The following MUC22 variants were observed in gnomAD, a reference collection of about 807,000 sequenced individuals.
The protein encoded by MUC22 is mucin 22, also known as mucin-22.
Under a neutral mutation model 40.3 loss-of-function variants are expected in MUC22, and 24 were observed. That is an observed-to-expected ratio of 0.60 (90% CI 0.43 to 0.84). The LOEUF (loss-of-function observed/expected upper bound fraction) is 0.84. Among genes scored for constraint, MUC22 ranks in the 40% least tolerant of loss-of-function variants. The pLI is 0.00. For synonymous variants in MUC22, 765 were observed against 844.5 expected (o/e 0.91, Z 1.63); for missense variants, 1,926 against 2,130.7 (o/e 0.90, Z 1.89).
exon 2 of MUC22, chr6:31,029,561 C>A (rs1334345425): frequency 6.5e-7 from 1 of 1,529,288 alleles, no homozygotes. Context: ...GAGGCCACTA[C>A]AGTTTCTACC....
chr6:31,022,562 A>T (rs556866774), intron 1 of MUC22, among the ~76,000 whole-genome samples: 5 of 117,208 alleles, frequency 4.3e-5, no homozygotes, highest in South Asian at 5.1e-4. Flanking sequence ...TAAAAATAAA[A>T]TTTTTTTCAT....
chr6:31,022,069 C>A (rs943910611), intron 1 of MUC22, among the ~76,000 whole-genome samples: 2 of 152,046 alleles, frequency 1.3e-5, no homozygotes. Flanking sequence ...AGGTTTGCAG[C>A]TTCACTCATG....
chr6:31,012,787 CCGTCT>C (rs1368748636), intron 1 of MUC22, among the ~76,000 whole-genome samples: 3 of 120,448 alleles, frequency 2.5e-5, no homozygotes, highest in South Asian at 3.2e-4. Context: ...ATGCTGGGCG[CCGTCT>C]CACCCTCCTG....
exon 2 of MUC22, chr6:31,029,440 A>G (rs1465363532): frequency 6.5e-7 from 1 of 1,534,580 alleles, no homozygotes; most frequent in Non-Finnish European, 8.7e-7. Context: ...GGAGACCACC[A>G]CAGTCTCCAC....
chr6:31,022,497 A>T (rs1454393204), intron 1 of MUC22, among the ~76,000 whole-genome samples: 1 of 152,102 alleles, frequency 6.6e-6, no homozygotes, highest in Non-Finnish European at 1.5e-5. Context: ...AGGAAGAAAA[A>T]ATTTAGATCT....
chr6:31,017,841 C>A (rs776540724), intron 1 of MUC22, among the ~76,000 whole-genome samples: 7 of 152,230 alleles, frequency 4.6e-5, no homozygotes, highest in Non-Finnish European at 1.0e-4. Context: ...CAGTGGCAAT[C>A]CGCTTGGGTA....
chr6:31,027,849 C>A, exon 2 of MUC22: 4 of 1,534,496 alleles, frequency 2.6e-6, no homozygotes, highest in Non-Finnish European at 3.5e-6. Flanking sequence ...TGGAGACCAC[C>A]ACCACTTCCA....
Position 31,035,207 on chromosome 6 carries a change from G to A in MUC22, c.*269G>A, listed in dbSNP as rs1017119756. 2.6e-5 allele frequency: 12 copies of A among 457,216 alleles called. No homozygotes were observed. The Admixed American group carries it at 3.4e-4, about 13-fold the overall frequency. 28.3% of individuals were successfully genotyped at this position (457,216 alleles called of 1,614,324 possible). ...GGCTTGGAGGGGACTTCAAGTCAAA[G>A]CTTCTGTGAGTTTTTCCTGAGTCTC... On this transcript the variant is annotated 3_prime_UTR_variant, in exon 4 of 4. Transcript: ENST00000561890.
At chr6:31,015,144 G>A (rs1049160052) in intron 1 of MUC22, among the ~76,000 whole-genome samples, 1 of 152,144 alleles carries the variant, frequency 6.6e-6, no homozygotes, top group Admixed American at 6.5e-5. Context: ...GACTAAGGCA[G>A]ATAAATATTG....
At chr6:31,013,877 G>T (rs7755234) in intron 1 of MUC22, among the ~76,000 whole-genome samples, 58,333 of 151,384 alleles carry the variant, frequency 0.39, 11,448 homozygotes, top group East Asian at 0.47. Context: ...GGTTTTTTGG[G>T]TTTTTTTTCC....
In MUC22 at chr6:31,032,683, G is replaced by A. The variant is rs894401887; in HGVS notation, c.5055+102G>A. ...AATCCAGAATGAGAAAGGGGAGTAAGTTGGTGCGCTCAGAAGGAAAGAATC... is the reference window on the plus strand; with the variant it reads ...AATCCAGAATGAGAAAGGGGAGTAAATTGGTGCGCTCAGAAGGAAAGAATC... On this transcript the variant is annotated intron_variant, in intron 3 of 3. Coordinates refer to ENST00000561890, the Ensembl canonical transcript of MUC22. This position sits in a 1 kb window ranked among gnomAD's most constrained non-coding sequence, Gnocchi z 4.1. 3.0e-5 allele frequency: 38 copies of A among 1,266,200 alleles called. No individual in the cohort carries two copies. The highest frequency in any genetic ancestry group is 3.7e-5 in the Non-Finnish European group (35 of 935,430). The allele number at this position is 1,266,200 out of a possible 1,614,324, so 78.4% of individuals were successfully genotyped here. A position where few individuals can be genotyped will look rare whatever the true frequency, so the allele number is the denominator to read the frequency against.
At chr6:31,026,664 T>C (rs1335925045) in exon 2 of MUC22, 1 of 1,505,180 alleles carries the variant, frequency 6.6e-7, no homozygotes, top group East Asian at 2.5e-5. Flanking sequence ...CAGCCTATAC[T>C]GCAGATTCTG....
rs1634723 is a variant in MUC22, at chr6:31,011,379, C to T, written c.70+603C>T. On this transcript the variant is annotated intron_variant, in intron 1 of 3. Coordinates refer to ENST00000561890, the Ensembl canonical transcript of MUC22. The surrounding 1 kb of genome is among the most constrained non-coding windows in gnomAD (Gnocchi z 4.5). ...CTTCCTCCCTAGTGCCCAAAGTCCA[C>T]TGTATCATTCTCATGCGTTTGAGTC... 0.76 allele frequency among the ~76,000 whole-genome samples: 115,140 copies of T among 152,024 alleles called. 43,840 individuals carry two copies. The highest frequency in any genetic ancestry group is 0.8 in the African/African-American group (33,330 of 41,450).
At chr6:31,018,444 C>T (rs1171491154) in intron 1 of MUC22, among the ~76,000 whole-genome samples, 1 of 152,184 alleles carries the variant, frequency 6.6e-6, no homozygotes, top group Non-Finnish European at 1.5e-5. Context: ...TACTCTCACC[C>T]CCAATGGAGG....
In MUC22 at chr6:31,029,450, C is replaced by T. The variant is rs773825621; in HGVS notation, c.4019C>T (p.Thr1340Ile). The change falls in exon 2 of 4, where the codon ACC (threonine) becomes ATC (isoleucine). Residue 1340 changes from threonine (T) to isoleucine (I), a missense_variant. Transcript: ENST00000561890. ...GATTTGGAGACCACCACAGTCTCCA[C>T]CTCAGGCTCTGGGACCACCACAGCC... is the stretch of plus-strand genomic sequence containing the variant. 21 of 1,534,476 alleles carry T rather than the reference C, an allele frequency of 1.4e-5. No homozygotes were observed. The highest frequency in any genetic ancestry group is 4.1e-5 in the African/African-American group (3 of 72,818).
chr6:31,019,307 T>C (rs1003692357), intron 1 of MUC22, among the ~76,000 whole-genome samples: 36 of 152,406 alleles, frequency 2.4e-4, no homozygotes, highest in African/African-American at 8.7e-4. Flanking sequence ...ATAGCTTGTA[T>C]TCATCCACTG....
At chr6:31,027,752 A>G in exon 2 of MUC22, 1 of 1,530,602 alleles carries the variant, frequency 6.5e-7, no homozygotes. Context: ...ACAGGCTCTG[A>G]GATGACCACA....
At chr6:31,006,947 A>G (rs1240516268), upstream of MUC22, among the ~76,000 whole-genome samples, 1 of 152,012 alleles carries the variant, frequency 6.6e-6, no homozygotes, top group Non-Finnish European at 1.5e-5. Context: ...CCAAGAGTTC[A>G]ACACCAGCCT....
chr6:31,020,402 A>G (rs1035745323), intron 1 of MUC22, among the ~76,000 whole-genome samples: 1 of 152,046 alleles, frequency 6.6e-6, no homozygotes, highest in African/African-American at 2.4e-5. Flanking sequence ...GCTTTTCTAG[A>G]CAAGCAAAAA....
Sources: gnomAD v4.1 joint callset for allele counts (sites outside exome capture counted in the v4.1 genomes callset) on GRCh38, gnomAD v4.1.1 for gene constraint, Gnocchi (gnomAD v3.1) non-coding constraint, MANE v1.5 for transcripts, NCBI Gene and HGNC (gene_info 2026-07-23, HGNC 2026-07-21) for gene names.